The following DDR2 variants were observed in gnomAD, a reference collection of about 807,000 sequenced individuals.
DDR2 encodes the protein discoidin domain receptor tyrosine kinase 2.
In DDR2, 27 loss-of-function variants were observed where a neutral mutation model predicts 94.9. The ratio of observed to expected loss-of-function variants is 0.28; its 90% CI spans 0.21 to 0.39. The LOEUF is 0.39. Among genes scored for constraint, DDR2 ranks in the 10% least tolerant of loss-of-function variants. The probability of loss-of-function intolerance (pLI) is 1.00; values close to 1 mark genes in which losing one functional copy is unlikely to be tolerated. For synonymous variants in DDR2, 382 were observed against 377.2 expected (o/e 1.01, Z -0.15); for missense variants, 783 against 1,076.0 (o/e 0.73, Z 3.81).
chr1:162,746,656 G>A (rs1300370965), intron 3 of DDR2, among the ~76,000 whole-genome samples: 2 of 152,186 alleles, frequency 1.3e-5, no homozygotes, highest in Non-Finnish European at 2.9e-5. Flanking sequence ...ATCTGAGAAT[G>A]GACAGCCTGC....
chr1:162,648,580 T>C (rs1657529735), intron 1 of DDR2, among the ~76,000 whole-genome samples: 1 of 152,032 alleles, frequency 6.6e-6, no homozygotes. Flanking sequence ...GGGAGACCCA[T>C]TAGAGGGCTG....
chr1:162,710,572 A>T (rs1434729483), intron 2 of DDR2, among the ~76,000 whole-genome samples: 1 of 152,192 alleles, frequency 6.6e-6, no homozygotes, highest in Non-Finnish European at 1.5e-5. Context: ...GCTTAATATG[A>T]AATACTCCAA....
At chr1:162,710,763 T>TGC (rs915807385) in intron 2 of DDR2, among the ~76,000 whole-genome samples, 14 of 48,464 alleles carry the variant, frequency 2.9e-4, no homozygotes, top group African/African-American at 9.0e-4. Flanking sequence ...CACACAGTCA[T>TGC]GCACACACAC....
chr1:162,774,760 T>C (rs1222694311), intron 14 of DDR2, among the ~76,000 whole-genome samples: 1 of 152,076 alleles, frequency 6.6e-6, no homozygotes, highest in Non-Finnish European at 1.5e-5. Flanking sequence ...CAATGATGGA[T>C]GGCCATGACT....
At chr1:162,750,085 A>T (rs1464831670) in intron 3 of DDR2, among the ~76,000 whole-genome samples, 5 of 152,210 alleles carry the variant, frequency 3.3e-5, no homozygotes, top group Non-Finnish European at 7.3e-5. Context: ...AACTGGCACA[A>T]GACAGGGATG....
intron 3 of DDR2, among the ~76,000 whole-genome samples, chr1:162,750,078 T>G (rs938857138): frequency 2.0e-5 from 3 of 152,170 alleles, no homozygotes; most frequent in African/African-American, 4.8e-5. Context: ...CTTTGAAAAC[T>G]GGCACAAGAC....
chr1:162,755,623 C>A, intron 6 of DDR2, 41 bp from the exon 7 acceptor site: 3 of 1,568,144 alleles, frequency 1.9e-6, no homozygotes, highest in South Asian at 1.1e-5. Flanking sequence ...AGGTAATGGG[C>A]CTGAGCAGTA....
chr1:162,713,754 A>G (rs895949427), intron 2 of DDR2, among the ~76,000 whole-genome samples: 7 of 152,098 alleles, frequency 4.6e-5, no homozygotes, highest in Non-Finnish European at 1.0e-4. Flanking sequence ...CTACTGGTAG[A>G]CATTTTTCTA....
chr1:162,685,476 G>T (rs1271356415), intron 2 of DDR2, among the ~76,000 whole-genome samples: 3 of 152,250 alleles, frequency 2.0e-5, no homozygotes, highest in Middle Eastern at 3.4e-3. Context: ...AGACTGGGAG[G>T]CACACTGGAG....
At chr1:162,764,696 A>G (rs765203068) in intron 9 of DDR2, among the ~76,000 whole-genome samples, 2 of 151,996 alleles carry the variant, frequency 1.3e-5, no homozygotes, top group Non-Finnish European at 2.9e-5. Flanking sequence ...GTGTGGTGGC[A>G]CGTGCTTGCA....
At chr1:162,773,390 C>T in intron 13 of DDR2, 79 bp from the exon 14 acceptor site, 1 of 1,595,448 alleles carries the variant, frequency 6.3e-7, no homozygotes, top group Non-Finnish European at 8.6e-7. Context: ...GTTAGTTTAT[C>T]TCCAGGAAAT....
At chr1:162,766,873 G>T (rs1243991443) in intron 10 of DDR2, among the ~76,000 whole-genome samples, 1 of 151,644 alleles carries the variant, frequency 6.6e-6, no homozygotes, top group Admixed American at 6.6e-5. Context: ...CTCTACTAAA[G>T]ATACAAAAAT....
At chr1:162,772,278 C>G in intron 13 of DDR2, 31 bp downstream of exon 13, 1 of 1,607,602 alleles carries the variant, frequency 6.2e-7, no homozygotes, top group Non-Finnish European at 8.5e-7. Context: ...CCTTATAGCT[C>G]GAAGAAGGTG....
At chr1:162,768,909 A>G (rs139372813) in intron 11 of DDR2, among the ~76,000 whole-genome samples, 105 of 152,332 alleles carry the variant, frequency 6.9e-4, no homozygotes, top group African/African-American at 2.3e-3. Flanking sequence ...TTCCTCCTTT[A>G]GAATGCTGGA....
At chr1:162,715,759 T>A (rs995545311) in intron 2 of DDR2, among the ~76,000 whole-genome samples, 1 of 152,234 alleles carries the variant, frequency 6.6e-6, no homozygotes, top group African/African-American at 2.4e-5. Flanking sequence ...ATTGAGTTAC[T>A]GTGAATATTG....
intron 2 of DDR2, among the ~76,000 whole-genome samples, chr1:162,694,274 A>C (rs1660086733): frequency 6.6e-6 from 1 of 152,048 alleles, no homozygotes; most frequent in African/African-American, 2.4e-5. Context: ...AATGCCCTAC[A>C]AGGTTTTGGT....
chr1:162,750,249 A>G (rs912556598), intron 3 of DDR2, among the ~76,000 whole-genome samples: 7 of 152,152 alleles, frequency 4.6e-5, no homozygotes, highest in African/African-American at 1.2e-4. Flanking sequence ...AAACCCCATC[A>G]TCTCAGCCCC....
intron 2 of DDR2, among the ~76,000 whole-genome samples, chr1:162,693,444 A>T (rs138719133): frequency 6.6e-6 from 1 of 152,290 alleles, no homozygotes; most frequent in East Asian, 1.9e-4. Flanking sequence ...TTATGAGTTT[A>T]TTCATCAAAC....
intron 3 of DDR2, among the ~76,000 whole-genome samples, chr1:162,726,298 T>A (rs1205678510): frequency 6.6e-6 from 1 of 152,226 alleles, no homozygotes; most frequent in Non-Finnish European, 1.5e-5. Context: ...ATTAATTATT[T>A]AACTTAATTA....
Sources: gnomAD v4.1 joint callset for allele counts (sites outside exome capture counted in the v4.1 genomes callset) on GRCh38, gnomAD v4.1.1 for gene constraint, MANE v1.5 for transcripts, NCBI Gene and HGNC (gene_info 2026-07-23, HGNC 2026-07-21) for gene names.